The following KIAA1217 variants were observed in gnomAD, a reference collection of about 807,000 sequenced individuals.
KIAA1217 encodes KIAA1217.
Under a neutral mutation model 163.9 loss-of-function variants are expected in KIAA1217, and 88 were observed. The ratio of observed to expected loss-of-function variants is 0.54; its 90% CI spans 0.45 to 0.64. The LOEUF is 0.64. Among genes scored for constraint, KIAA1217 ranks in the 30% least tolerant of loss-of-function variants. KIAA1217 has a pLI of 0.00. For missense variants in KIAA1217, 2,372 were observed against 2,475.0 expected, an observed-to-expected ratio of 0.96 and a Z score of 0.88; for synonymous variants, 903 against 923.1, an observed-to-expected ratio of 0.98 and a Z score of 0.39.
chr10:23,937,235 C>T (rs190137075), intron 1 of KIAA1217, among the ~76,000 whole-genome samples: 160 of 152,220 alleles, frequency 1.1e-3, no homozygotes, highest in African/African-American at 3.4e-3. Flanking sequence ...ATTATAGGGA[C>T]GGAGCTTTTT....
chr10:23,936,524 A>C (rs979678112), intron 1 of KIAA1217, among the ~76,000 whole-genome samples: 2 of 152,150 alleles, frequency 1.3e-5, no homozygotes, highest in Non-Finnish European at 2.9e-5. Flanking sequence ...AAGGAAGCAA[A>C]GGGAGATTCA....
chr10:23,819,734 A>G (rs992388780), intron 1 of KIAA1217, among the ~76,000 whole-genome samples: 7 of 152,182 alleles, frequency 4.6e-5, no homozygotes, highest in African/African-American at 1.7e-4. Flanking sequence ...GTGATTTGAA[A>G]CTTTTTGTGT....
chr10:23,940,478 A>AAG (rs1843721135), intron 1 of KIAA1217, among the ~76,000 whole-genome samples: 1 of 150,548 alleles, frequency 6.6e-6, no homozygotes, highest in South Asian at 2.1e-4. Context: ...AAAAAAAAAA[A>AAG]AAAAAAGAAA....
chr10:23,836,135 T>A (rs1838436537), intron 1 of KIAA1217, among the ~76,000 whole-genome samples: 1 of 152,208 alleles, frequency 6.6e-6, no homozygotes, highest in Non-Finnish European at 1.5e-5. Context: ...TTCTGGAATT[T>A]CTATTAGATA....
chr10:24,336,346 A>G (rs1447074900), intron 2 of KIAA1217, among the ~76,000 whole-genome samples: 4 of 152,234 alleles, frequency 2.6e-5, no homozygotes, highest in African/African-American at 9.6e-5. Flanking sequence ...TAGACAACAC[A>G]AAATTCAAAA....
Position 24,099,586 on chromosome 10 carries a change from T to TA in KIAA1217, c.-171+92212_-171+92213insA, listed in dbSNP as rs1306527831. ...CATTTTCTTTATATATATATATATA[T>TA]TATATATATATATTTTATTATACTT... On this transcript the variant is annotated intron_variant, in intron 2 of 18. Transcript: ENST00000376462. Among the ~76,000 whole-genome samples the TA allele has an allele frequency of 1.5e-3, 217 of 143,438 alleles. 1 individual carries two copies. Among genetic ancestry groups the TA allele is most frequent in the African/African-American group, 5.3e-3 (205 of 38,444 alleles). 94.1% of individuals were successfully genotyped at this position (143,438 alleles called of 152,430 possible).
intron 2 of KIAA1217, among the ~76,000 whole-genome samples, chr10:24,069,442 C>T (rs990864240): frequency 1.3e-5 from 2 of 152,154 alleles, no homozygotes; most frequent in Non-Finnish European, 2.9e-5. Flanking sequence ...AAGGCAGGTC[C>T]CATCAGCACT....
intron 2 of KIAA1217, chr10:24,367,189 C>T (rs973916797): frequency 5.1e-6 from 5 of 983,768 alleles, no homozygotes; most frequent in African/African-American, 3.5e-5. Flanking sequence ...AAAATTGAAT[C>T]GTCTCAGCGA....
chr10:24,474,154 G>T (rs2063782736), intron 6 of KIAA1217, 94 bp downstream of exon 6: 1 of 891,898 alleles, frequency 1.1e-6, no homozygotes, highest in Non-Finnish European at 1.7e-6. Flanking sequence ...ATAAATGTCT[G>T]AGCACCCATC....
chr10:24,447,043 A>T (rs918605993), intron 5 of KIAA1217, among the ~76,000 whole-genome samples: 3 of 152,024 alleles, frequency 2.0e-5, no homozygotes, highest in Non-Finnish European at 4.4e-5. Flanking sequence ...CACTCTCTTC[A>T]TCAAGCCTCT....
At chr10:23,758,144 G>A (rs1372805491) in intron 1 of KIAA1217, among the ~76,000 whole-genome samples, 1 of 152,100 alleles carries the variant, frequency 6.6e-6, no homozygotes, top group Non-Finnish European at 1.5e-5. Context: ...TAAATATTGG[G>A]AAGCTTTTGC....
At chr10:24,538,543 A>G (rs1417933815) in intron 17 of KIAA1217, among the ~76,000 whole-genome samples, 2 of 107,212 alleles carry the variant, frequency 1.9e-5, no homozygotes, top group African/African-American at 3.8e-5. Context: ...AGAGGGTAGG[A>G]GGGATGGAGG....
chr10:23,820,909 A>G (rs1429452242), intron 1 of KIAA1217, among the ~76,000 whole-genome samples: 2 of 152,156 alleles, frequency 1.3e-5, no homozygotes, highest in African/African-American at 4.8e-5. Context: ...CGCTGTAAGA[A>G]TGTGCCCCCT....
intron 2 of KIAA1217, among the ~76,000 whole-genome samples, chr10:24,199,879 A>C (rs181276585): frequency 1.8e-4 from 28 of 152,278 alleles, no homozygotes; most frequent in African/African-American, 6.5e-4. Context: ...AGTAAGGAAA[A>C]ACAGGAAATG....
intron 5 of KIAA1217, among the ~76,000 whole-genome samples, chr10:24,452,733 A>G (rs1361469215): frequency 6.6e-6 from 1 of 152,046 alleles, no homozygotes; most frequent in Non-Finnish European, 1.5e-5. Flanking sequence ...TGCTAGCACA[A>G]CAGAATGCCT....
At chr10:23,719,610 AAAGG>A (rs1041766589) in intron 1 of KIAA1217, among the ~76,000 whole-genome samples, 2 of 150,888 alleles carry the variant, frequency 1.3e-5, no homozygotes, top group African/African-American at 4.9e-5. Flanking sequence ...AAATAAATAA[AAAGG>A]AAGAAAAAGC....
intron 1 of KIAA1217, among the ~76,000 whole-genome samples, chr10:23,997,306 T>C (rs1294718017): frequency 6.6e-6 from 1 of 152,220 alleles, no homozygotes; most frequent in African/African-American, 2.4e-5. Flanking sequence ...ATTGAGGACT[T>C]CTTAAAAGAA....
At chr10:23,707,246 G>C (rs913812147) in intron 1 of KIAA1217, among the ~76,000 whole-genome samples, 7 of 152,116 alleles carry the variant, frequency 4.6e-5, no homozygotes, top group African/African-American at 1.7e-4. Flanking sequence ...CTGGTGTTCT[G>C]GCGGTGGGAA....
chr10:24,019,373 A>C lies in KIAA1217; in HGVS notation c.-171+11999A>C, dbSNP rs1847632603. Among the ~76,000 whole-genome samples the C allele has an allele frequency of 2.0e-5, 3 of 151,430 alleles. No homozygotes were observed. In the South Asian group the frequency reaches 6.2e-4, roughly 32 times the overall value. On this transcript the variant is annotated intron_variant, in intron 2 of 18. Transcript: ENST00000376462. ...GATGAGACCTAACTCTCAATAAATAAATACATACATACTTAAGGAATGCAA... is the reference window on the plus strand; with the variant it reads ...GATGAGACCTAACTCTCAATAAATACATACATACATACTTAAGGAATGCAA...
Sources: allele counts gnomAD v4.1 joint callset (sites outside exome capture counted in the v4.1 genomes callset), GRCh38; gene constraint gnomAD v4.1.1; transcripts MANE v1.5; gene names NCBI Gene and HGNC (gene_info 2026-07-23, HGNC 2026-07-21).